UBE2G1: variants seen among roughly 807,000 people sequenced by gnomAD.
UBE2G1 encodes the protein ubiquitin conjugating enzyme E2 G1, also known as ubiquitin-conjugating enzyme E2 G1.
A neutral mutation model predicts 22.7 loss-of-function variants in UBE2G1; 5 were observed. The observed-to-expected ratio is 0.22, with a 90% CI of 0.12 to 0.46. The LOEUF is 0.46. Ranked by LOEUF, UBE2G1 falls within the 20% of genes least tolerant of loss-of-function variation. The pLI, the probability that UBE2G1 is intolerant of heterozygous loss-of-function variation, is 0.99. For synonymous variants in UBE2G1, 74 were observed against 67.5 expected (o/e 1.10, Z -0.47); for missense variants, 88 against 203.9 (o/e 0.43, Z 3.46).
chr17:4,319,672 C>G (rs561866123), intron 1 of UBE2G1, among the ~76,000 whole-genome samples: 1 of 151,642 alleles, frequency 6.6e-6, no homozygotes, highest in East Asian at 1.9e-4. Context: ...GAGGTCGAGG[C>G]TGCAGTGAGC....
intron 1 of UBE2G1, among the ~76,000 whole-genome samples, chr17:4,361,188 A>C (rs2143835074): frequency 6.6e-6 from 1 of 151,962 alleles, no homozygotes; most frequent in East Asian, 1.9e-4. Flanking sequence ...GCACCACTGC[A>C]CTCCAGACTG....
intron 3 of UBE2G1, among the ~76,000 whole-genome samples, chr17:4,290,197 C>A (rs1387214292): frequency 6.6e-6 from 1 of 151,930 alleles, no homozygotes; most frequent in East Asian, 1.9e-4. Flanking sequence ...AACATTTACC[C>A]ACCGTAAATT....
chr17:4,305,687 G>A (rs1452871359), intron 2 of UBE2G1, among the ~76,000 whole-genome samples: 3 of 151,968 alleles, frequency 2.0e-5, no homozygotes, highest in African/African-American at 7.2e-5. Flanking sequence ...GACTACAGGC[G>A]CCCGCCACCA....
At chr17:4,356,154 G>A (rs1421692232) in intron 1 of UBE2G1, among the ~76,000 whole-genome samples, 2 of 145,782 alleles carry the variant, frequency 1.4e-5, no homozygotes, top group Admixed American at 1.4e-4. Flanking sequence ...TCAGGAGTTC[G>A]AGAACAGCCT....
intron 5 of UBE2G1, among the ~76,000 whole-genome samples, chr17:4,279,775 CA>C (rs918390191): frequency 1.1e-5 from 1 of 88,988 alleles, no homozygotes; most frequent in Non-Finnish European, 2.4e-5. Flanking sequence ...ACTCTGCCCC[CA>C]AAAAAAAGTT....
At chr17:4,364,158 G>A in intron 1 of UBE2G1, 1 of 148,436 alleles carries the variant, frequency 6.7e-6, no homozygotes, top group Non-Finnish European at 1.5e-5. Context: ...CAGCTACTCG[G>A]GAGGCTGAGG....
intron 5 of UBE2G1, among the ~76,000 whole-genome samples, chr17:4,276,569 G>T (rs1968824452): frequency 6.6e-6 from 1 of 152,310 alleles, no homozygotes; most frequent in African/African-American, 2.4e-5. Flanking sequence ...CATTCTATGT[G>T]TTCCTTCTTT....
At position 4,284,158 on chromosome 17, in the gene UBE2G1, C is replaced by CAAAAA. The variant is rs544931688; in HGVS notation, c.427-1242_427-1238dup. Among the ~76,000 whole-genome samples the CAAAAA allele has an allele frequency of 7.3e-5, 8 of 108,978 alleles. No homozygotes were observed. The East Asian group carries it at 1.9e-3, about 26-fold the overall frequency. 71.5% of individuals were successfully genotyped at this position (108,978 alleles called of 152,430 possible). On this transcript the variant is annotated intron_variant, in intron 4 of 5. Transcript: ENST00000396981. The stretch of plus-strand genomic sequence containing the variant: ...AGCGACAGAGCGAGACTCCGTCTCT[C>CAAAAA]AAAAAAAAAAAAAAAAGAGGGCCTG...
At chr17:4,350,746 T>C (rs907458704) in intron 1 of UBE2G1, among the ~76,000 whole-genome samples, 4 of 151,966 alleles carry the variant, frequency 2.6e-5, no homozygotes, top group African/African-American at 9.7e-5. Flanking sequence ...TTAAAAATAG[T>C]ATGAGGCTGG....
intron 4 of UBE2G1, 76 bp downstream of exon 4, chr17:4,289,154 T>G: frequency 1.5e-6 from 2 of 1,337,108 alleles, no homozygotes; most frequent in Non-Finnish European, 2.0e-6. Flanking sequence ...CATGCATACT[T>G]ACATACATAC....
intron 1 of UBE2G1, among the ~76,000 whole-genome samples, chr17:4,344,552 C>CAA (rs576774645): frequency 5.3e-5 from 7 of 132,340 alleles, no homozygotes; most frequent in Admixed American, 1.5e-4. Flanking sequence ...AGAAAGCTCT[C>CAA]AAAAAAAAAA....
chr17:4,366,519 C>G lies in UBE2G1; in HGVS notation c.-203G>C, dbSNP rs1464994749. On this transcript the variant is annotated 5_prime_UTR_variant, in exon 1 of 6. Transcript: ENST00000396981. ...CGCTTCAGCTCTTTTCACAGCGACT[C>G]ACGCCCGGAAGGGGAGGGTGCCCGG... is the stretch of plus-strand genomic sequence containing the variant. 2.2e-6 allele frequency: 1 copy of G among 451,730 alleles called. No individual in the cohort carries two copies. The highest frequency in any genetic ancestry group is 2.1e-5 in the African/African-American group (1 of 48,494). 28.0% of individuals were successfully genotyped at this position (451,730 alleles called of 1,614,324 possible). A position where few individuals can be genotyped will look rare whatever the true frequency, so the allele number is the denominator to read the frequency against.
rs550607955 is a variant in UBE2G1 at position 4,289,214 on chromosome 17, C to T, written c.426+16G>A. Reference sequence around the variant, plus strand: ...AAGGGAAAGTGAAGGGAAGGGAAGACGTGTGACCACCTTACCGCAGCATCA... The same window carrying T: ...AAGGGAAAGTGAAGGGAAGGGAAGATGTGTGACCACCTTACCGCAGCATCA... On this transcript the variant is annotated intron_variant, in intron 4 of 5. Transcript: ENST00000396981. The T allele has an allele frequency of 6.0e-6, 9 of 1,510,690 alleles. No individual in the cohort carries two copies. In the African/African-American group the frequency reaches 7.0e-5, roughly 12 times the overall value. 93.6% of individuals were successfully genotyped at this position (1,510,690 alleles called of 1,614,324 possible). A position where few individuals can be genotyped will look rare whatever the true frequency, so the allele number is the denominator to read the frequency against.
At chr17:4,315,210 G>A (rs1265995991) in intron 1 of UBE2G1, among the ~76,000 whole-genome samples, 1 of 152,132 alleles carries the variant, frequency 6.6e-6, no homozygotes, top group Non-Finnish European at 1.5e-5. Context: ...GGCTGGGGGA[G>A]TACATGGAGG....
chr17:4,296,967 A>T (rs2304585), intron 2 of UBE2G1, among the ~76,000 whole-genome samples, 153 bp from the exon 3 acceptor site: 1 of 152,310 alleles, frequency 6.6e-6, no homozygotes, highest in African/African-American at 2.4e-5. Context: ...ACTTTCTCAA[A>T]TAAGTAGTTT....
intron 1 of UBE2G1, among the ~76,000 whole-genome samples, chr17:4,332,347 A>C (rs574550350): frequency 1.3e-5 from 2 of 152,188 alleles, no homozygotes; most frequent in Non-Finnish European, 2.9e-5. Context: ...CAAAAAATAA[A>C]ATAGGGTTAT....
intron 1 of UBE2G1, among the ~76,000 whole-genome samples, chr17:4,333,001 G>A (rs1969597955): frequency 6.6e-6 from 1 of 152,098 alleles, no homozygotes; most frequent in African/African-American, 2.4e-5. Flanking sequence ...TTTATTTACT[G>A]ATATAGCCCC....
intron 1 of UBE2G1, among the ~76,000 whole-genome samples, chr17:4,366,052 T>TC (rs1340090982): frequency 3.3e-5 from 5 of 151,850 alleles, no homozygotes; most frequent in Admixed American, 2.6e-4. Context: ...CCAGGCCCAG[T>TC]CCCTGGGCCG....
intron 2 of UBE2G1, chr17:4,302,412 T>G (rs1396253753): frequency 9.8e-6 from 5 of 507,786 alleles, no homozygotes; most frequent in Non-Finnish European, 8.1e-6. Flanking sequence ...CGCTTGCCTG[T>G]GCATTTTGGC....
Sources: allele counts gnomAD v4.1 joint callset (sites outside exome capture counted in the v4.1 genomes callset), GRCh38; gene constraint gnomAD v4.1.1; transcripts MANE v1.5; gene names NCBI Gene and HGNC (gene_info 2026-07-23, HGNC 2026-07-21).